ARMC7: variants seen among roughly 807,000 people sequenced by gnomAD.
ARMC7 encodes armadillo repeat containing 7, also known as armadillo repeat-containing protein 7.
In ARMC7, 9 loss-of-function variants were observed where a neutral mutation model predicts 14.8. The ratio of observed to expected loss-of-function variants is 0.61; its 90% CI spans 0.37 to 1.06. ARMC7 has a LOEUF of 1.06. Among genes scored for constraint, ARMC7 ranks in the 50% least tolerant of loss-of-function variants. The probability of loss-of-function intolerance (pLI) is 0.01; values close to 1 mark genes in which losing one functional copy is unlikely to be tolerated. For missense variants in ARMC7, 262 were observed against 267.1 expected (o/e 0.98, Z 0.13); for synonymous variants, 125 against 123.4 (o/e 1.01, Z -0.09).
intron 2 of ARMC7, chr17:75,114,772 A>C: frequency 2.5e-6 from 1 of 398,356 alleles, no homozygotes; most frequent in Non-Finnish European, 4.4e-6. Context: ...TCAGCGTCGA[A>C]TCCCTCCGTG....
At chr17:75,123,911 C>A (rs1048536004) in intron 2 of ARMC7, among the ~76,000 whole-genome samples, 8 of 148,382 alleles carry the variant, frequency 5.4e-5, no homozygotes, top group African/African-American at 1.7e-4. Context: ...GGCTCATACT[C>A]AAAAAAAAAA....
intron 2 of ARMC7, among the ~76,000 whole-genome samples, chr17:75,117,702 C>T (rs753328994): frequency 4.6e-5 from 7 of 152,214 alleles, no homozygotes; most frequent in Non-Finnish European, 1.0e-4. Context: ...CTCCAGGCCC[C>T]TCAGGGAGTC....
intron 2 of ARMC7, among the ~76,000 whole-genome samples, chr17:75,124,407 G>A (rs2074036177): frequency 6.6e-6 from 1 of 152,220 alleles, no homozygotes; most frequent in Non-Finnish European, 1.5e-5. Flanking sequence ...TCCGCAGTCT[G>A]GGTGGCAGTG....
chr17:75,113,064 C>G (rs913396227), intron 2 of ARMC7, among the ~76,000 whole-genome samples: 1 of 146,356 alleles, frequency 6.8e-6, no homozygotes, highest in African/African-American at 2.6e-5. Flanking sequence ...CTTGCTCTGT[C>G]GCCCAGGCTG....
chr17:75,111,630 C>T (rs2073923817), intron 2 of ARMC7, among the ~76,000 whole-genome samples: 1 of 150,536 alleles, frequency 6.6e-6, no homozygotes, highest in Non-Finnish European at 1.5e-5. Flanking sequence ...CCCAGCTACT[C>T]AGGAGGCTGA....
intron 2 of ARMC7, among the ~76,000 whole-genome samples, chr17:75,112,892 T>C (rs2073938678): frequency 6.6e-6 from 1 of 152,144 alleles, no homozygotes. Context: ...CAACCAGGAA[T>C]GCAAATGTTC....
intron 2 of ARMC7, among the ~76,000 whole-genome samples, chr17:75,112,939 C>T (rs1444862201): frequency 6.6e-6 from 1 of 152,084 alleles, no homozygotes; most frequent in Non-Finnish European, 1.5e-5. Flanking sequence ...TTTGTGGTTT[C>T]TTTATCCCCT....
intron 2 of ARMC7, among the ~76,000 whole-genome samples, chr17:75,119,264 C>G (rs1387381783): frequency 1.3e-5 from 2 of 152,122 alleles, no homozygotes; most frequent in African/African-American, 4.8e-5. Context: ...GAAGGACAGA[C>G]AGTACATAGA....
chr17:75,121,858 T>G (rs995879966), intron 2 of ARMC7, among the ~76,000 whole-genome samples: 3 of 150,408 alleles, frequency 2.0e-5, no homozygotes, highest in Non-Finnish European at 4.4e-5. Flanking sequence ...GTCTTTTTGC[T>G]CATTTTCAAA....
At chr17:75,112,955 T>G (rs2073939613) in intron 2 of ARMC7, among the ~76,000 whole-genome samples, 1 of 152,138 alleles carries the variant, frequency 6.6e-6, no homozygotes, top group Non-Finnish European at 1.5e-5. Flanking sequence ...CCCCTTTATT[T>G]CCTATAATCC....
chr17:75,110,412 C>A (rs2073903994), intron 1 of ARMC7, 33 bp downstream of exon 1: 1 of 1,614,016 alleles, frequency 6.2e-7, no homozygotes, highest in Admixed American at 1.7e-5. Flanking sequence ...GTGGCAGGGT[C>A]CGCTGTGACC....
At chr17:75,114,853 T>C (rs894754319) in intron 2 of ARMC7, 2 of 396,942 alleles carry the variant, frequency 5.0e-6, no homozygotes, top group African/African-American at 4.1e-5. Context: ...TTATTATGCA[T>C]GACTGAGAAG....
chr17:75,112,457 C>CT (rs2145115972), intron 2 of ARMC7, among the ~76,000 whole-genome samples: 1 of 152,042 alleles, frequency 6.6e-6, no homozygotes, highest in East Asian at 1.9e-4. Flanking sequence ...TGGCTGAAGT[C>CT]TTGTCAGGCT....
chr17:75,128,629 A>C, intron 2 of ARMC7, 48 bp from the exon 3 acceptor site: 2 of 1,564,402 alleles, frequency 1.3e-6, no homozygotes, highest in Non-Finnish European at 1.7e-6. Flanking sequence ...GGGAGGTGGG[A>C]GGAGGCCCGG....
intron 2 of ARMC7, among the ~76,000 whole-genome samples, chr17:75,118,716 T>A (rs1013963013): frequency 6.6e-6 from 1 of 152,222 alleles, no homozygotes; most frequent in African/African-American, 2.4e-5. Flanking sequence ...GTTTGGGTGC[T>A]GTTGGGATAA....
At position 75,128,846 on chromosome 17, in the gene ARMC7, G is replaced by A. The variant is rs1374368057; in HGVS notation, c.405G>A (p.Glu135=). Residue 135 remains glutamate, a synonymous_variant, in exon 3 of 3, where the codon GAG becomes GAA. Coordinates refer to ENST00000245543, the MANE Select transcript of ARMC7 (RefSeq NM_024585.4). The part of the protein sequence containing the change: ...LSPPGRSFLP[E]LTATPVVQCM... Reference sequence around the variant, plus strand: ...CGCCGGGCCGCAGCTTTCTCCCAGAGCTGACCGCCACGCCCGTGGTGCAGT... The same window carrying A: ...CGCCGGGCCGCAGCTTTCTCCCAGAACTGACCGCCACGCCCGTGGTGCAGT... 1.9e-6 allele frequency: 3 copies of A among 1,613,046 alleles called. No individual in the cohort carries two copies. The highest frequency in any genetic ancestry group is 2.5e-6 in the Non-Finnish European group (3 of 1,179,984).
rs2074086154 is a variant in ARMC7, at chr17:75,129,652, C to T, written c.*614C>T. On this transcript the variant is annotated 3_prime_UTR_variant, in exon 3 of 3. Transcript: ENST00000245543. ...CCAGCCTTGCTGTTAGGCACCATGA[C>T]TCCAAGATGAAGATGTGGTCCCTGC... The T allele has an allele frequency of 6.6e-6, 1 of 152,616 alleles. No homozygotes were observed. The highest frequency in any genetic ancestry group is 2.1e-4 in the South Asian group (1 of 4,848). The allele number at this position is 152,616 out of a possible 1,614,324, so 9.5% of individuals were successfully genotyped here. A position where few individuals can be genotyped will look rare whatever the true frequency, so the allele number is the denominator to read the frequency against.
At chr17:75,127,597 G>A (rs1185897391) in intron 2 of ARMC7, among the ~76,000 whole-genome samples, 1 of 151,972 alleles carries the variant, frequency 6.6e-6, no homozygotes. Context: ...ACCGCTCCCA[G>A]CCATTTGTTT....
At chr17:75,119,725 T>G (rs2145126927) in intron 2 of ARMC7, among the ~76,000 whole-genome samples, 1 of 151,744 alleles carries the variant, frequency 6.6e-6, no homozygotes, top group South Asian at 2.1e-4. Context: ...CCTCTCAAAG[T>G]GCTAGGATTA....
Sources: allele counts gnomAD v4.1 joint callset (sites outside exome capture counted in the v4.1 genomes callset), GRCh38; gene constraint gnomAD v4.1.1; transcripts MANE v1.5; gene names NCBI Gene and HGNC (gene_info 2026-07-23, HGNC 2026-07-21).